The following KCNQ3 variants were observed in gnomAD, a reference collection of about 807,000 sequenced individuals.
KCNQ3 encodes the protein potassium voltage-gated channel subfamily KQT member 3.
In KCNQ3, 30 loss-of-function variants were observed where a neutral mutation model predicts 92.5. The observed-to-expected ratio is 0.32, with a 90% CI of 0.24 to 0.44. KCNQ3 has a LOEUF of 0.44. Among genes scored for constraint, KCNQ3 ranks in the 20% least tolerant of loss-of-function variants. The probability of loss-of-function intolerance (pLI) is 1.00; values close to 1 mark genes in which losing one functional copy is unlikely to be tolerated. For missense variants in KCNQ3, 913 were observed against 1,140.3 expected, an observed-to-expected ratio of 0.80 and a Z score of 2.87; for synonymous variants, 450 against 468.8, an observed-to-expected ratio of 0.96 and a Z score of 0.52.
At chr8:132,253,836 C>T (rs1159920283) in intron 1 of KCNQ3, among the ~76,000 whole-genome samples, 1 of 152,226 alleles carries the variant, frequency 6.6e-6, no homozygotes, top group Non-Finnish European at 1.5e-5. Context: ...ATTCCTGGCC[C>T]TGGGGCAGAA....
At chr8:132,135,780 T>G (rs1341532138) in intron 12 of KCNQ3, among the ~76,000 whole-genome samples, 1 of 152,028 alleles carries the variant, frequency 6.6e-6, no homozygotes, top group Non-Finnish European at 1.5e-5. Context: ...CAGTGAGCAC[T>G]GACTCTGTGC....
chr8:132,334,639 G>C (rs1253046124), intron 1 of KCNQ3, among the ~76,000 whole-genome samples: 1 of 152,160 alleles, frequency 6.6e-6, no homozygotes, highest in Non-Finnish European at 1.5e-5. Context: ...CCCCATCTGG[G>C]GGCCATGTCA....
intron 1 of KCNQ3, among the ~76,000 whole-genome samples, chr8:132,271,156 C>A (rs1358253384): frequency 1.3e-5 from 2 of 152,198 alleles, no homozygotes; most frequent in African/African-American, 2.4e-5. Context: ...TTCCATGAAC[C>A]CCTTGGGAGT....
rs77793661 is a variant in KCNQ3, at chr8:132,414,139, C to T, written c.386+66008G>A. Reference sequence around the variant, plus strand: ...CAATACACGCTGTTGGGAGCTTAACCTATATTATTTAATTTCATTTTCACA... The same window carrying T: ...CAATACACGCTGTTGGGAGCTTAACTTATATTATTTAATTTCATTTTCACA... On this transcript the variant is annotated intron_variant, in intron 1 of 14. Coordinates refer to ENST00000388996, the MANE Select transcript of KCNQ3 (RefSeq NM_004519.4). 1.9e-4 allele frequency among the ~76,000 whole-genome samples: 29 copies of T among 152,256 alleles called. No individual in the cohort carries two copies. In the South Asian group the frequency reaches 3.9e-3, roughly 21 times the overall value.
intron 1 of KCNQ3, among the ~76,000 whole-genome samples, chr8:132,396,978 G>C (rs949629168): frequency 6.6e-6 from 1 of 151,688 alleles, no homozygotes; most frequent in Admixed American, 6.6e-5. Flanking sequence ...GTGTGTGTGG[G>C]AGAAAGAGAG....
At chr8:132,262,316 ACT>A (rs920127318) in intron 1 of KCNQ3, among the ~76,000 whole-genome samples, 40 of 152,152 alleles carry the variant, frequency 2.6e-4, no homozygotes, top group African/African-American at 9.7e-4. Flanking sequence ...TGGTTACACA[ACT>A]CTGTGAAGAT....
At chr8:132,453,838 C>A (rs1821880054) in intron 1 of KCNQ3, among the ~76,000 whole-genome samples, 1 of 152,190 alleles carries the variant, frequency 6.6e-6, no homozygotes, top group South Asian at 2.1e-4. Context: ...AAGCTTCTCC[C>A]CAGGCTGCCA....
At chr8:132,263,777 G>A (rs2130477938) in intron 1 of KCNQ3, among the ~76,000 whole-genome samples, 1 of 152,340 alleles carries the variant, frequency 6.6e-6, no homozygotes, top group East Asian at 1.9e-4. Context: ...TGGCCAGCCT[G>A]TGGGAACATC....
At chr8:132,303,623 TATATA>T (rs1458626730) in intron 1 of KCNQ3, among the ~76,000 whole-genome samples, 5 of 64,170 alleles carry the variant, frequency 7.8e-5, no homozygotes, top group African/African-American at 4.2e-4. Flanking sequence ...TATATATATA[TATATA>T]TATGGTGTAT....
intron 1 of KCNQ3, among the ~76,000 whole-genome samples, chr8:132,253,970 A>G (rs558078108): frequency 8.5e-5 from 13 of 152,298 alleles, no homozygotes; most frequent in Non-Finnish European, 1.6e-4. Context: ...CCAGGTGGAG[A>G]AAGCAGATGG....
At chr8:132,464,709 C>T (rs1470507247) in intron 1 of KCNQ3, among the ~76,000 whole-genome samples, 1 of 152,204 alleles carries the variant, frequency 6.6e-6, no homozygotes, top group East Asian at 1.9e-4. Flanking sequence ...TTCCCTGATC[C>T]ATTTAAACAG....
rs75427860 is a variant in KCNQ3, at chr8:132,470,859, C to T, written c.386+9288G>A. Among the ~76,000 whole-genome samples, 184 of 152,228 alleles carry T rather than the reference C, an allele frequency of 1.2e-3. 5 individuals are homozygous for T. In the East Asian group the frequency reaches 0.034, roughly 28 times the overall value. Reference sequence around the variant, plus strand: ...ATGAAGCCTTTGGAAGAGACCATTCCAGATATCCAGCAGGATGCCCCACAA... The same window carrying T: ...ATGAAGCCTTTGGAAGAGACCATTCTAGATATCCAGCAGGATGCCCCACAA... On this transcript the variant is annotated intron_variant, in intron 1 of 14. Coordinates refer to ENST00000388996, the MANE Select transcript of KCNQ3 (RefSeq NM_004519.4).
chr8:132,421,999 TAGAA>T (rs1820978376), intron 1 of KCNQ3, among the ~76,000 whole-genome samples: 3 of 152,162 alleles, frequency 2.0e-5, no homozygotes, highest in Admixed American at 1.3e-4. Flanking sequence ...CCATCAGTGT[TAGAA>T]AGAGAGAAAG....
At chr8:132,341,119 T>A (rs539011282) in intron 1 of KCNQ3, among the ~76,000 whole-genome samples, 29 of 152,290 alleles carry the variant, frequency 1.9e-4, no homozygotes, top group Non-Finnish European at 3.7e-4. Context: ...TACCGGACAG[T>A]TCTGGTCTAA....
At chr8:132,279,132 T>A (rs1816432265) in intron 1 of KCNQ3, among the ~76,000 whole-genome samples, 1 of 152,082 alleles carries the variant, frequency 6.6e-6, no homozygotes, top group Admixed American at 6.6e-5. Context: ...GCAGGAGAAT[T>A]GCTTGAACCC....
intron 1 of KCNQ3, among the ~76,000 whole-genome samples, chr8:132,253,206 G>A (rs1815474083): frequency 6.6e-6 from 1 of 152,192 alleles, no homozygotes; most frequent in African/African-American, 2.4e-5. Context: ...TTGACTTACA[G>A]CAGAAAATGA....
At chr8:132,134,184 G>T in intron 13 of KCNQ3, 106 bp downstream of exon 13, 1 of 825,508 alleles carries the variant, frequency 1.2e-6, no homozygotes, top group Non-Finnish European at 2.1e-6. Context: ...TTACTTAGGA[G>T]AGTGACAACT....
At chr8:132,182,931 A>C (rs952299168) in intron 3 of KCNQ3, among the ~76,000 whole-genome samples, 1 of 152,066 alleles carries the variant, frequency 6.6e-6, no homozygotes, top group African/African-American at 2.4e-5. Context: ...CCTTCCGTAC[A>C]TTCAAAATTC....
At chr8:132,458,099 T>C (rs1409637611) in intron 1 of KCNQ3, among the ~76,000 whole-genome samples, 1 of 152,210 alleles carries the variant, frequency 6.6e-6, no homozygotes, top group African/African-American at 2.4e-5. Context: ...TCCTGACTCC[T>C]GGTCCAGGAC....
Sources: allele counts gnomAD v4.1 joint callset (sites outside exome capture counted in the v4.1 genomes callset), GRCh38; gene constraint gnomAD v4.1.1; transcripts MANE v1.5; gene names NCBI Gene and HGNC (gene_info 2026-07-23, HGNC 2026-07-21).